ESR1: variants seen among roughly 807,000 people sequenced by gnomAD.
The protein encoded by ESR1 is estrogen receptor.
A neutral mutation model predicts 52.7 loss-of-function variants in ESR1; 12 were observed. The ratio of observed to expected loss-of-function variants is 0.23; its 90% confidence interval spans 0.15 to 0.37. The LOEUF (loss-of-function observed/expected upper bound fraction) is 0.37. Ranked by LOEUF, ESR1 falls within the 10% of genes least tolerant of loss-of-function variation. ESR1 has a pLI of 1.00. For missense variants in ESR1, 584 were observed against 779.7 expected (o/e 0.75, Z 2.99); for synonymous variants, 305 against 316.8 (o/e 0.96, Z 0.39).
intron 6 of ESR1, among the ~76,000 whole-genome samples, chr6:152,069,469 G>C (rs555217107): frequency 7.3e-6 from 1 of 136,400 alleles, no homozygotes; most frequent in Non-Finnish European, 1.5e-5. Flanking sequence ...CAGGGGCTAC[G>C]TGACTTTGAA....
At chr6:151,869,082 G>A (rs1790488086) in intron 2 of ESR1, among the ~76,000 whole-genome samples, 1 of 81,686 alleles carries the variant, frequency 1.2e-5, no homozygotes, top group South Asian at 4.1e-4. Flanking sequence ...AGGGCAGTAA[G>A]CACAGTCCTG....
intron 2 of ESR1, among the ~76,000 whole-genome samples, chr6:151,743,062 G>T (rs1012552984): frequency 1.4e-4 from 21 of 152,154 alleles, no homozygotes; most frequent in African/African-American, 5.1e-4. Context: ...AGATCTGGAC[G>T]TCGGTCCAAA....
chr6:151,822,412 C>G (rs1027228440), intron 1 of ESR1, among the ~76,000 whole-genome samples: 1 of 152,134 alleles, frequency 6.6e-6, no homozygotes, highest in East Asian at 1.9e-4. Context: ...CTCTAAGGAG[C>G]TGAAAACAAA....
At chr6:152,013,429 A>C (rs2042934505) in intron 5 of ESR1, among the ~76,000 whole-genome samples, 1 of 152,098 alleles carries the variant, frequency 6.6e-6, no homozygotes, top group African/African-American at 2.4e-5. Context: ...TTCCATCCTC[A>C]TCTGTATCTA....
intron 6 of ESR1, among the ~76,000 whole-genome samples, chr6:152,093,371 AC>A (rs1258491321): frequency 8.8e-6 from 1 of 113,198 alleles, no homozygotes. Context: ...TCTCTCTCTC[AC>A]CCCCCCACAC....
At chr6:152,001,412 G>A (rs1296525460) in intron 4 of ESR1, among the ~76,000 whole-genome samples, 1 of 151,976 alleles carries the variant, frequency 6.6e-6, no homozygotes, top group African/African-American at 2.4e-5. Flanking sequence ...CCATTCCCTG[G>A]AGAACTAATT....
intron 6 of ESR1, chr6:152,122,561 G>T: frequency 1.2e-6 from 2 of 1,614,214 alleles, no homozygotes; most frequent in Non-Finnish European, 1.7e-6. Flanking sequence ...CCGATGAGGA[G>T]GAGCAGGAGA....
rs1050335871 is a variant in ESR1, at chr6:152,060,857, A to G, written c.1236-134A>G. 7.1e-6 allele frequency: 5 copies of G among 702,648 alleles called. No homozygotes were observed. In the Middle Eastern group the frequency reaches 1.2e-3, roughly 164 times the overall value. The allele number at this position is 702,648 out of a possible 1,614,324, so 43.5% of individuals were successfully genotyped here. ...ATGAATGTTCATATTCCATGAAGACAATGGCTGATAGTTTTTTGTTAAAGA... is the reference window on the plus strand; with the variant it reads ...ATGAATGTTCATATTCCATGAAGACGATGGCTGATAGTTTTTTGTTAAAGA... On this transcript the variant is annotated intron_variant, in intron 5 of 7. Transcript: ENST00000206249.
chr6:152,030,831 A>T (rs1461000418), intron 5 of ESR1, among the ~76,000 whole-genome samples: 1 of 152,258 alleles, frequency 6.6e-6, no homozygotes, highest in African/African-American at 2.4e-5. Flanking sequence ...TCAACAGATT[A>T]TACATTCTTC....
At chr6:151,992,318 A>G (rs913207845) in intron 4 of ESR1, among the ~76,000 whole-genome samples, 5 of 151,762 alleles carry the variant, frequency 3.3e-5, no homozygotes, top group Admixed American at 2.6e-4. Context: ...ATAGCTCTCC[A>G]TTTCCTCCTG....
At chr6:151,919,808 G>C (rs1279572234) in intron 3 of ESR1, among the ~76,000 whole-genome samples, 1 of 152,196 alleles carries the variant, frequency 6.6e-6, no homozygotes, top group Non-Finnish European at 1.5e-5. Flanking sequence ...TGAACTCAAA[G>C]AGATGAGTAG....
At chr6:151,806,659 A>G (rs1277780659), upstream of ESR1, among the ~76,000 whole-genome samples, 1 of 151,670 alleles carries the variant, frequency 6.6e-6, no homozygotes, top group African/African-American at 2.4e-5. Flanking sequence ...GATTCTGCAT[A>G]TCCTAGCCCA....
At chr6:152,082,539 T>C (rs1034754348) in intron 6 of ESR1, among the ~76,000 whole-genome samples, 3 of 152,340 alleles carry the variant, frequency 2.0e-5, no homozygotes, top group South Asian at 4.1e-4. Flanking sequence ...AGCATTCCTT[T>C]TGAAAACCAG....
chr6:151,921,391 A>G (rs2031639265), intron 3 of ESR1, among the ~76,000 whole-genome samples: 1 of 152,216 alleles, frequency 6.6e-6, no homozygotes, highest in South Asian at 2.1e-4. Context: ...GCTGCAGTGA[A>G]CATATGCATA....
chr6:152,043,421 A>G (rs2045965805), intron 5 of ESR1, among the ~76,000 whole-genome samples: 1 of 152,178 alleles, frequency 6.6e-6, no homozygotes, highest in Non-Finnish European at 1.5e-5. Context: ...TTCTGCTTAT[A>G]TAAATTAGAA....
At chr6:151,854,441 A>G (rs1172474230) in intron 2 of ESR1, among the ~76,000 whole-genome samples, 5 of 152,238 alleles carry the variant, frequency 3.3e-5, no homozygotes, top group Non-Finnish European at 7.3e-5. Context: ...TAGCGGAAAT[A>G]AAAAGACATT....
intron 2 of ESR1, among the ~76,000 whole-genome samples, chr6:151,856,209 A>G (rs1470918925): frequency 6.6e-6 from 1 of 152,182 alleles, no homozygotes; most frequent in Non-Finnish European, 1.5e-5. Flanking sequence ...AAAGAGGAGC[A>G]ATAGATAATG....
upstream of ESR1, among the ~76,000 whole-genome samples, chr6:151,806,351 T>A (rs1281008679): frequency 6.6e-6 from 1 of 151,996 alleles, no homozygotes; most frequent in Non-Finnish European, 1.5e-5. Context: ...GGCATTTAGA[T>A]AGACCATGAA....
intron 6 of ESR1, among the ~76,000 whole-genome samples, chr6:152,120,095 C>T (rs2051271713): frequency 6.6e-6 from 1 of 152,160 alleles, no homozygotes; most frequent in Non-Finnish European, 1.5e-5. Flanking sequence ...CCATTTGATT[C>T]TTCAGTGACG....
Sources: allele counts gnomAD v4.1 joint callset (sites outside exome capture counted in the v4.1 genomes callset), GRCh38; gene constraint gnomAD v4.1.1; transcripts MANE v1.5; gene names NCBI Gene and HGNC (gene_info 2026-07-23, HGNC 2026-07-21).